Variants in RPTOR observed in about 807,000 individuals in gnomAD.
RPTOR encodes the protein regulatory-associated protein of mTOR.
Under a neutral mutation model 169.9 loss-of-function variants are expected in RPTOR, and 21 were observed. That is an observed-to-expected ratio of 0.12 (90% CI 0.09 to 0.18). The LOEUF is 0.18. RPTOR is among the 10% of genes least tolerant of loss of function. The probability of loss-of-function intolerance (pLI) is 1.00; values close to 1 mark genes in which losing one functional copy is unlikely to be tolerated. For missense variants in RPTOR, 1,133 were observed against 1,855.9 expected, an observed-to-expected ratio of 0.61 and a Z score of 7.16; for synonymous variants, 732 against 753.2, an observed-to-expected ratio of 0.97 and a Z score of 0.46.
intron 5 of RPTOR, among the ~76,000 whole-genome samples, chr17:80,751,784 C>CCTGGATCTGGGACGACCAGTCT (rs2066632769): frequency 1.3e-5 from 2 of 152,176 alleles, no homozygotes; most frequent in Non-Finnish European, 2.9e-5. Flanking sequence ...GCGTCCAGGC[C>CCTGGATCTGGGACGACCAGTCT]CTGGATCTGG....
intron 7 of RPTOR, among the ~76,000 whole-genome samples, chr17:80,819,772 T>A (rs1297214029): frequency 6.6e-6 from 1 of 152,250 alleles, no homozygotes; most frequent in Non-Finnish European, 1.5e-5. Flanking sequence ...ACCAGCTGTG[T>A]AACGTAGAGT....
chr17:80,915,485 A>C (rs62068489), intron 21 of RPTOR, among the ~76,000 whole-genome samples: 12 of 103,176 alleles, frequency 1.2e-4, no homozygotes, highest in East Asian at 3.1e-4. Flanking sequence ...AGAGGAGTTA[A>C]CCACTCCAGG....
At chr17:80,929,063 G>A (rs760517571) in intron 24 of RPTOR, among the ~76,000 whole-genome samples, 1 of 152,244 alleles carries the variant, frequency 6.6e-6, no homozygotes, top group Non-Finnish European at 1.5e-5. Flanking sequence ...TCTGCCCGGA[G>A]ATGTTCATGA....
chr17:80,783,525 T>C lies in RPTOR; in HGVS notation c.831-7925T>C, dbSNP rs966582123. Among the ~76,000 whole-genome samples the C allele has an allele frequency of 2.0e-5, 3 of 152,260 alleles. No homozygotes were observed. In the East Asian group the frequency reaches 5.8e-4, roughly 29 times the overall value. Reference sequence around the variant, plus strand: ...TTCTTATAACCAAATTATCTTAACTTTTTAATGTCTTTTGAACCCAAATGG... The same window carrying C: ...TTCTTATAACCAAATTATCTTAACTCTTTAATGTCTTTTGAACCCAAATGG... On this transcript the variant is annotated intron_variant, in intron 6 of 33. Transcript: ENST00000306801.
intron 11 of RPTOR, among the ~76,000 whole-genome samples, chr17:80,853,938 G>A (rs564414545): frequency 3.6e-4 from 55 of 151,396 alleles, no homozygotes; most frequent in African/African-American, 1.3e-3. Flanking sequence ...CCGAGATTGC[G>A]CCACTGCACT....
chr17:80,841,279 G>A (rs62636944), intron 10 of RPTOR, among the ~76,000 whole-genome samples: 47 of 1,822 alleles, frequency 0.026, 6 homozygotes, highest in Admixed American at 0.061. Context: ...CACTCTCACC[G>A]CACGGCAGCT....
chr17:80,623,214 C>G (rs2065368247), intron 1 of RPTOR, among the ~76,000 whole-genome samples: 1 of 152,046 alleles, frequency 6.6e-6, no homozygotes, highest in Non-Finnish European at 1.5e-5. Flanking sequence ...GAGGAATGAT[C>G]TATTGGAAAG....
rs1185592337 is a variant in RPTOR at position 80,651,647 on chromosome 17, G to A, written c.348+7837G>A. Reference sequence around the variant, plus strand: ...TGTAATCCTAGCACTTTGGGAGGCCGAGGTGGGCAGATCACCTGAGGTCAA... The same window carrying A: ...TGTAATCCTAGCACTTTGGGAGGCCAAGGTGGGCAGATCACCTGAGGTCAA... On this transcript the variant is annotated intron_variant, in intron 3 of 33. Transcript: ENST00000306801. The surrounding 1 kb of genome is among the most constrained non-coding windows in gnomAD (Gnocchi z 4.1). Among the ~76,000 whole-genome samples, 2 of 152,188 alleles carry A rather than the reference G, an allele frequency of 1.3e-5. No homozygotes were observed. The highest frequency in any genetic ancestry group is 4.8e-5 in the African/African-American group (2 of 41,436).
chr17:80,883,830 A>C lies in RPTOR; in HGVS notation c.1700A>C (p.Asn567Thr). The C allele has an allele frequency of 6.2e-7, 1 of 1,613,748 alleles. No homozygotes were observed. The highest frequency in any genetic ancestry group is 8.5e-7 in the Non-Finnish European group (1 of 1,180,028). Reference sequence around the variant, plus strand: ...ATTGCCATCTGCCTGGAGCAGCTCAACGACCCGCACCCCTTGCTGCGCCAG... The same window carrying C: ...ATTGCCATCTGCCTGGAGCAGCTCACCGACCCGCACCCCTTGCTGCGCCAG... ...NLIAICLEQL[N>T]DPHPLLRQWV... The change falls in exon 16 of 34, where the codon AAC becomes ACC. Residue 567 changes from asparagine (N) to threonine (T), a missense_variant. By Grantham distance (65) the Asn-to-Thr change is moderately conservative. Coordinates refer to ENST00000306801, the MANE Select transcript of RPTOR (RefSeq NM_020761.3).
At chr17:80,637,371 G>A (rs140495773) in intron 2 of RPTOR, among the ~76,000 whole-genome samples, 1 of 152,308 alleles carries the variant, frequency 6.6e-6, no homozygotes, top group Non-Finnish European at 1.5e-5. Context: ...TGGAACTGGC[G>A]AGACGGGGTC....
chr17:80,898,336 C>T (rs559929244), intron 20 of RPTOR, among the ~76,000 whole-genome samples: 2 of 152,272 alleles, frequency 1.3e-5, no homozygotes, highest in South Asian at 2.1e-4. Context: ...GATATGTCCC[C>T]GTTTATTCCT....
chr17:80,874,504 A>T (rs1180366461), intron 13 of RPTOR, among the ~76,000 whole-genome samples: 1 of 152,140 alleles, frequency 6.6e-6, no homozygotes, highest in African/African-American at 2.4e-5. Flanking sequence ...ATGTGTCTAT[A>T]TTAATATATA....
At chr17:80,698,037 G>A (rs185312243) in intron 3 of RPTOR, among the ~76,000 whole-genome samples, 2 of 152,202 alleles carry the variant, frequency 1.3e-5, no homozygotes, top group Non-Finnish European at 2.9e-5. Context: ...GGCTGATTTG[G>A]TGGGGCCAGC....
rs560855190 is a variant in RPTOR, at chr17:80,699,154, C to T, written c.349-8687C>T. ...AAAATAAAAATAGAGACCCCAAGCT[C>T]TTGATAAAACAGCTTTCTCTGGAGA... On this transcript the variant is annotated intron_variant, in intron 3 of 33. Coordinates refer to ENST00000306801, the MANE Select transcript of RPTOR (RefSeq NM_020761.3). Among the ~76,000 whole-genome samples the T allele has an allele frequency of 2.0e-5, 3 of 152,356 alleles. No individual in the cohort carries two copies. In the South Asian group the frequency reaches 6.2e-4, roughly 32 times the overall value.
chr17:80,952,850 TTCTTC>T (rs1243101425), intron 28 of RPTOR, among the ~76,000 whole-genome samples: 2 of 136,534 alleles, frequency 1.5e-5, no homozygotes, highest in Non-Finnish European at 3.0e-5. Flanking sequence ...TCTTTTTCTT[TTCTTC>T]TTTTTTTTTT....
At position 80,723,027 on chromosome 17, in the gene RPTOR, T is replaced by C. The variant is rs1437574837; in HGVS notation, c.508-7533T>C. Among the ~76,000 whole-genome samples, 5 of 151,348 alleles carry C rather than the reference T, an allele frequency of 3.3e-5. No individual in the cohort carries two copies. The East Asian group carries it at 9.6e-4, about 29-fold the overall frequency. ...GAGGATGTCCCTCACTTTGGGTTTGTCTGATGTGTTCTCATGATGAGATTG... is the reference window on the plus strand; with the variant it reads ...GAGGATGTCCCTCACTTTGGGTTTGCCTGATGTGTTCTCATGATGAGATTG... On this transcript the variant is annotated intron_variant, in intron 4 of 33. Transcript: ENST00000306801.
In RPTOR at chr17:80,893,715, G is replaced by C. The variant is rs371707022; in HGVS notation, c.2251G>C (p.Ala751Pro). Reference protein sequence around the residue: ...NLSLTEESGGAVAFSPGNLST... With the variant: ...NLSLTEESGGPVAFSPGNLST... ...CGTTGCGTCTCGGGCAGCTGGTGGC[G>C]CGGTGGCGTTCTCCCCCGGAAACCT... Residue 751 changes from alanine to proline, a missense_variant, in exon 20 of 34, where the codon GCG (alanine) becomes CCG (proline). Around this residue, in one of 9 missense-constraint regions of RPTOR, gnomAD observed 150 missense variants for 206.4 expected, o/e 0.73. Coordinates refer to ENST00000306801, the MANE Select transcript of RPTOR (RefSeq NM_020761.3). The C allele has an allele frequency of 1.2e-6, 2 of 1,609,294 alleles. No homozygotes were observed. Among genetic ancestry groups the C allele is most frequent in the African/African-American group, 2.7e-5 (2 of 74,660 alleles).
chr17:80,906,244 G>T (rs991434414), intron 20 of RPTOR, among the ~76,000 whole-genome samples: 5 of 152,070 alleles, frequency 3.3e-5, no homozygotes, highest in African/African-American at 1.2e-4. Flanking sequence ...AGCCATCGCC[G>T]ATGTCCTTGT....
At chr17:80,818,912 C>T (rs896923533) in intron 7 of RPTOR, among the ~76,000 whole-genome samples, 3 of 152,286 alleles carry the variant, frequency 2.0e-5, no homozygotes, top group African/African-American at 7.2e-5. Context: ...TGTGGGACCT[C>T]GTGGGAAGCT....
Sources: allele counts gnomAD v4.1 joint callset (sites outside exome capture counted in the v4.1 genomes callset), GRCh38; gene constraint gnomAD v4.1.1; regional missense constraint gnomAD v4.1.1; non-coding constraint Gnocchi (gnomAD v3.1); transcripts MANE v1.5; gene names NCBI Gene and HGNC (gene_info 2026-07-23, HGNC 2026-07-21).